Variants in KMT2D observed in about 807,000 individuals in gnomAD.
KMT2D encodes lysine methyltransferase 2D, also known as histone-lysine N-methyltransferase 2D.
In KMT2D, 55 loss-of-function variants were observed where a neutral mutation model predicts 512.7. The ratio of observed to expected loss-of-function variants is 0.11; its 90% CI spans 0.09 to 0.13. KMT2D has a LOEUF of 0.13. Ranked by LOEUF, KMT2D falls within the 10% of genes least tolerant of loss-of-function variation. The probability of loss-of-function intolerance (pLI) is 1.00; values close to 1 mark genes in which losing one functional copy is unlikely to be tolerated. For synonymous variants in KMT2D, 2,995 were observed against 2,904.0 expected (o/e 1.03, Z -1.01); for missense variants, 6,061 against 7,127.9 (o/e 0.85, Z 5.39).
rs1467396118 is a variant in KMT2D at position 49,054,379 on chromosome 12, C to T, written c.438G>A (p.Ser146=). ...CWAHHWCAAW[S]AGVWGQEGPE... ...GGCCCTCCTGCCCCCATACGCCTGC[C>T]GACCATGCAGCACACCAATGGTGAG... The change falls in exon 5 of 55, where the codon TCG becomes TCA. Residue 146 remains serine (S), a synonymous_variant. Transcript: ENST00000301067. This position sits in a 1 kb window ranked among gnomAD's most constrained non-coding sequence, Gnocchi z 6.4. 4 of 1,595,356 alleles carry T rather than the reference C, an allele frequency of 2.5e-6. No individual in the cohort carries two copies. Among genetic ancestry groups the T allele is most frequent in the South Asian group, 1.1e-5 (1 of 87,952 alleles).
At position 49,051,191 on chromosome 12, in the gene KMT2D, G is replaced by T. The variant is rs1937968017; in HGVS notation, c.2492C>A (p.Ser831Ter). 1 of 1,513,204 alleles carries T rather than the reference G, an allele frequency of 6.6e-7. No homozygotes were observed. Among genetic ancestry groups the T allele is most frequent in the Non-Finnish European group, 8.9e-7 (1 of 1,125,848 alleles). The allele number at this position is 1,513,204 out of a possible 1,614,324, so 93.7% of individuals were successfully genotyped here. Reference protein sequence around the residue: ...EPCLSPQPEESHLSPQSEEPC... With the variant: ...EPCLSPQPEE ...CTCCTCAGACTGGGGGGACAGGTGT[G>T]ATTCCTCAGGTTGGGGGGACAAGCA... The change falls in exon 11 of 55, where the codon TCA (serine) becomes TAA (stop). Residue 831 changes from serine to a stop codon, truncating the protein, a stop_gained. Coordinates refer to ENST00000301067, the MANE Select transcript of KMT2D (RefSeq NM_003482.4). LOFTEE classifies it high-confidence loss of function.
Position 49,031,925 on chromosome 12 carries a change from T to C in KMT2D, c.12780A>G (p.Gln4260=), listed in dbSNP as rs555842651. ...GTCCAGGGAAGCCCCCAAGTTGAGG[T>C]TGGCAGCCCAGGAGGCCCTGGAGGG... The part of the protein sequence containing the change: ...TSPLQGLLGC[Q]PQLGGFPGPQ... The change falls in exon 40 of 55, where the codon CAA becomes CAG. Residue 4260 remains glutamine, a synonymous_variant. Transcript: ENST00000301067. 39 of 1,536,670 alleles carry C rather than the reference T, an allele frequency of 2.5e-5. No homozygotes were observed. Among genetic ancestry groups the C allele is most frequent in the Admixed American group, 2.1e-4 (10 of 48,604 alleles).
chr12:49,032,000 C>T lies in KMT2D; in HGVS notation c.12705G>A (p.Gln4235=), dbSNP rs905791071. Residue 4235 remains glutamine, a synonymous_variant, in exon 40 of 55, where the codon CAG becomes CAA. Coordinates refer to ENST00000301067, the MANE Select transcript of KMT2D (RefSeq NM_003482.4). The part of the protein sequence containing the change: ...LLMQRQLQQS[Q]AVRQTPPYQE... ...GGTAGGGTGGGGTCTGGCGTACTGC[C>T]TGACTCTGCTGCAGCTGCCGCTGCA... 3 of 1,601,826 alleles carry T rather than the reference C, an allele frequency of 1.9e-6. No individual in the cohort carries two copies. Among genetic ancestry groups the T allele is most frequent in the Non-Finnish European group, 8.5e-7 (1 of 1,172,514 alleles).
rs1280319408 is a variant in KMT2D, at chr12:49,053,599, C to T, written c.716G>A (p.Cys239Tyr). 2 of 1,597,702 alleles carry T rather than the reference C, an allele frequency of 1.3e-6. No individual in the cohort carries two copies. The highest frequency in any genetic ancestry group is 8.5e-7 in the Non-Finnish European group (1 of 1,172,562). ...ACAGCTGGTACAGAAGAACAGGTCA[C>T]ACAACTCCCCTGGCCCCTCACACAC... ...CAVCEGPGELCDLFFCTSCGH... is the reference protein window; with the variant it reads ...CAVCEGPGELYDLFFCTSCGH... Residue 239 changes from cysteine to tyrosine, a missense_variant, in exon 7 of 55, where the codon TGT (cysteine) becomes TAT (tyrosine). Physicochemically the swap from Cys to Tyr is radical, Grantham distance 194. Transcript: ENST00000301067.
rs1370465303 is a variant in KMT2D at position 49,039,789 on chromosome 12, G to C, written c.7981C>G (p.Leu2661Val). 6.2e-7 allele frequency: 1 copy of C among 1,613,988 alleles called. No homozygotes were observed. The highest frequency in any genetic ancestry group is 1.1e-5 in the South Asian group (1 of 91,084). The change falls in exon 32 of 55, where the codon CTC becomes GTC. Residue 2661 changes from leucine (L) to valine (V), a missense_variant. Leu to Val is a conservative substitution (Grantham distance 32, BLOSUM62 1). This residue lies in a region of KMT2D where 527 missense variants were observed against 578.9 expected (regional missense o/e 0.91). Transcript: ENST00000301067. This position sits in a 1 kb window ranked among gnomAD's most constrained non-coding sequence, Gnocchi z 5.0. ...GMGSSLATAE[L>V]PGTQDPGMSG... is the part of the protein sequence containing the mutation. Reference sequence around the variant, plus strand: ...ATGCCTGGGTCCTGGGTACCTGGGAGTTCAGCTGTCGCCAAAGAGCTACCC... The same window carrying C: ...ATGCCTGGGTCCTGGGTACCTGGGACTTCAGCTGTCGCCAAAGAGCTACCC...
At chr12:49,049,396 C>G (rs1032581895) in intron 12 of KMT2D, among the ~76,000 whole-genome samples, 178 bp from the exon 13 acceptor site, 5 of 152,184 alleles carry the variant, frequency 3.3e-5, no homozygotes, top group African/African-American at 1.2e-4. Context: ...ATAGCTCTAG[C>G]CCAAACCCAT....
intron 41 of KMT2D, 24 bp downstream of exon 41, chr12:49,030,869 G>A (rs1348704925): frequency 6.2e-7 from 1 of 1,613,466 alleles, no homozygotes; most frequent in African/African-American, 1.3e-5. Context: ...ATGGGACCAG[G>A]GGGACTGTCT....
In KMT2D at chr12:49,049,772, C is replaced by T. The variant is rs549203291; in HGVS notation, c.3816G>A (p.Leu1272=). Residue 1272 remains leucine (L), a synonymous_variant, in exon 12 of 55, where the codon TTG becomes TTA. Transcript: ENST00000301067. ...CGCTGATAGCTGTCCCAGCATCGCA[C>T]AATAGTGAGTCATCAGTCTCTGGCA... The part of the protein sequence containing the change: ...DSLPETDDSL[L]CDAGTAISGG... 6.2e-7 allele frequency: 1 copy of T among 1,613,566 alleles called. No individual in the cohort carries two copies. The highest frequency in any genetic ancestry group is 2.2e-5 in the East Asian group (1 of 44,862).
Position 49,055,001 on chromosome 12 carries a change from G to A in KMT2D, c.75C>T (p.Asp25=), listed in dbSNP as rs756318924. The part of the protein sequence containing the change: ...PAADGPAASE[D]PSATESDLPN... ...GCAGGTCTGACTCAGTGGCACTTGG[G>A]TCCTCAGAAGCTGCAGGTCCATCAG... Residue 25 remains aspartate, a synonymous_variant, in exon 3 of 55, where the codon GAC becomes GAT. Coordinates refer to ENST00000301067, the MANE Select transcript of KMT2D (RefSeq NM_003482.4). 2 of 1,613,966 alleles carry A rather than the reference G, an allele frequency of 1.2e-6. No homozygotes were observed. Among genetic ancestry groups the A allele is most frequent in the African/African-American group, 1.3e-5 (1 of 75,026 alleles).
In KMT2D at chr12:49,034,355, C is replaced by T; in HGVS notation, c.10507+55G>A. On this transcript the variant is annotated intron_variant, in intron 38 of 54. Transcript: ENST00000301067. The stretch of plus-strand genomic sequence containing the variant: ...CAAAAGGGTAATCCCAATCCCTCTT[C>T]CTCCATATGACCCAAACCACTCCCC... 2.5e-6 allele frequency: 4 copies of T among 1,610,382 alleles called. No individual in the cohort carries two copies. In the South Asian group the frequency reaches 4.4e-5, roughly 18 times the overall value.
Position 49,050,952 on chromosome 12 carries a change from G to T in KMT2D, c.2731C>A (p.Leu911Met), listed in dbSNP as rs751936279. The change falls in exon 11 of 55, where the codon CTG becomes ATG. Residue 911 changes from leucine (L) to methionine (M), a missense_variant. Transcript: ENST00000301067. ...GGGGACAACGGCAGCTCCTCGGGCAGAGGGGACAGAGGTGGTTCCCCAGGC... is the reference window on the plus strand; with the variant it reads ...GGGGACAACGGCAGCTCCTCGGGCATAGGGGACAGAGGTGGTTCCCCAGGC... ...SEPGEPPLSP[L>M]PEELPLSPSG... 1 of 1,545,984 alleles carries T rather than the reference G, an allele frequency of 6.5e-7. No homozygotes were observed. The highest frequency in any genetic ancestry group is 2.3e-5 in the East Asian group (1 of 44,328).
rs1943790331 is a variant in KMT2D at position 49,046,470 on chromosome 12, A to G, written c.4419-46T>C. The G allele has an allele frequency of 1.2e-6, 2 of 1,600,906 alleles. No individual in the cohort carries two copies. Among genetic ancestry groups the G allele is most frequent in the Admixed American group, 1.7e-5 (1 of 59,550 alleles). On this transcript the variant is annotated intron_variant, in intron 16 of 54. Transcript: ENST00000301067. This position sits in a 1 kb window ranked among gnomAD's most constrained non-coding sequence, Gnocchi z 4.2. The stretch of plus-strand genomic sequence containing the variant: ...GAGCTTTAGCACCCAACCTACCCGA[A>G]GTACCCAGAAGTCCCCTCACCGGAA...
Position 49,021,576 on chromosome 12 carries a change from G to C in KMT2D, c.*204C>G, listed in dbSNP as rs886049468. The C allele has an allele frequency of 3.0e-4, 170 of 561,248 alleles. 1 individual carries two copies. The highest frequency in any genetic ancestry group is 4.6e-4 in the Non-Finnish European group (147 of 316,358). 34.8% of individuals were successfully genotyped at this position (561,248 alleles called of 1,614,324 possible). A position where few individuals can be genotyped will look rare whatever the true frequency, so the allele number is the denominator to read the frequency against. ...CAGAGATGCCAGCCTGAGGGCCGGT[G>C]GTGGGGAAGAGGATTGTCCCTGGTG... On this transcript the variant is annotated 3_prime_UTR_variant, in exon 55 of 55. Coordinates refer to ENST00000301067, the MANE Select transcript of KMT2D (RefSeq NM_003482.4).
chr12:49,041,914 C>T lies in KMT2D; in HGVS notation c.6183+3G>A. ...CGCTAATCCATGCTCCTTTCTGCCTCACCAGGTAGGGGGCTTTGTCAGCTG... is the reference window on the plus strand; with the variant it reads ...CGCTAATCCATGCTCCTTTCTGCCTTACCAGGTAGGGGGCTTTGTCAGCTG... On this transcript the variant is annotated splice_donor_region_variant and intron_variant, in intron 30 of 54. Transcript: ENST00000301067. This position sits in a 1 kb window ranked among gnomAD's most constrained non-coding sequence, Gnocchi z 5.4. 1.2e-6 allele frequency: 2 copies of T among 1,602,376 alleles called. No homozygotes were observed. Among genetic ancestry groups the T allele is most frequent in the Non-Finnish European group, 1.7e-6 (2 of 1,173,692 alleles).
rs71464946 is a variant in KMT2D, at chr12:49,031,937, G to C, written c.12768C>G (p.Leu4256=). 5.2e-6 allele frequency: 8 copies of C among 1,542,232 alleles called. No homozygotes were observed. The highest frequency in any genetic ancestry group is 7.0e-6 in the Non-Finnish European group (8 of 1,145,038). Residue 4256 remains leucine (L), a synonymous_variant, in exon 40 of 55, where the codon CTC becomes CTG. Coordinates refer to ENST00000301067, the MANE Select transcript of KMT2D (RefSeq NM_003482.4). ...PGTQTSPLQG[L]LGCQPQLGGF... ...CCCCAAGTTGAGGTTGGCAGCCCAG[G>C]AGGCCCTGGAGGGGAGAGGTCTGGG...
Position 49,022,444 on chromosome 12 carries a change from G to A in KMT2D, c.16339-91C>T, listed in dbSNP as rs531629978. The A allele has an allele frequency of 1.3e-6, 2 of 1,495,730 alleles. No individual in the cohort carries two copies. Among genetic ancestry groups the A allele is most frequent in the East Asian group, 2.3e-5 (1 of 43,888 alleles). 92.7% of individuals were successfully genotyped at this position (1,495,730 alleles called of 1,614,324 possible). A position where few individuals can be genotyped will look rare whatever the true frequency, so the allele number is the denominator to read the frequency against. The stretch of plus-strand genomic sequence containing the variant: ...ATCAGGTAGGAGACTCAGGCAGTGG[G>A]GGCTTTTGTTGCATGTACTTCATTT... On this transcript the variant is annotated intron_variant, in intron 52 of 54. Coordinates refer to ENST00000301067, the MANE Select transcript of KMT2D (RefSeq NM_003482.4). The surrounding 1 kb of genome is among the most constrained non-coding windows in gnomAD (Gnocchi z 8.6).
At position 49,024,436 on chromosome 12, in the gene KMT2D, C is replaced by T. The variant is rs2137710232; in HGVS notation, c.16052+142G>A. 1 of 1,053,450 alleles carries T rather than the reference C, an allele frequency of 9.5e-7. No homozygotes were observed. The highest frequency in any genetic ancestry group is 1.8e-5 in the South Asian group (1 of 56,900). 65.3% of individuals were successfully genotyped at this position (1,053,450 alleles called of 1,614,324 possible). A position where few individuals can be genotyped will look rare whatever the true frequency, so the allele number is the denominator to read the frequency against. On this transcript the variant is annotated intron_variant, in intron 51 of 54. Coordinates refer to ENST00000301067, the MANE Select transcript of KMT2D (RefSeq NM_003482.4). This position sits in a 1 kb window ranked among gnomAD's most constrained non-coding sequence, Gnocchi z 4.5. ...AGGATACCCTACTAATACCTGCATG[C>T]CCTCTAATTAGGAAGTCTAAGAGTG...
Position 49,050,774 on chromosome 12 carries a change from T to C in KMT2D, c.2814A>G (p.Pro938=). 1 of 1,603,024 alleles carries C rather than the reference T, an allele frequency of 6.2e-7. No homozygotes were observed. The highest frequency in any genetic ancestry group is 8.5e-7 in the Non-Finnish European group (1 of 1,173,184). The change falls in exon 12 of 55, where the codon CCA becomes CCG. Residue 938 remains proline, a synonymous_variant. Coordinates refer to ENST00000301067, the MANE Select transcript of KMT2D (RefSeq NM_003482.4). ...CCGCAGCTGTGATGATGGGTGAGAG[T>C]GGAGGAGGAAGGGGATCTGGAAGGA... ...QLMPPDPLPP[P]LSPIITAAAP...
At chr12:49,048,878 G>C in intron 13 of KMT2D, 109 bp from the exon 14 acceptor site, 1 of 789,536 alleles carries the variant, frequency 1.3e-6, no homozygotes, top group Non-Finnish European at 2.1e-6. Context: ...TTAAGATGAA[G>C]GCCAAAAGCC....
Sources: allele counts gnomAD v4.1 joint callset (sites outside exome capture counted in the v4.1 genomes callset), GRCh38; gene constraint gnomAD v4.1.1; regional missense constraint gnomAD v4.1.1; non-coding constraint Gnocchi (gnomAD v3.1); transcripts MANE v1.5; gene names NCBI Gene and HGNC (gene_info 2026-07-23, HGNC 2026-07-21).